PPP1R37: variants seen among roughly 807,000 people sequenced by gnomAD.
PPP1R37 encodes protein phosphatase 1 regulatory subunit 37.
PPP1R37 carries 21 observed loss-of-function variants against 61.0 expected under a neutral mutation model. The ratio of observed to expected loss-of-function variants is 0.34; its 90% confidence interval spans 0.24 to 0.50. The LOEUF is 0.50. PPP1R37 is among the 20% of genes least tolerant of loss of function. The pLI is 0.98. For synonymous variants in PPP1R37, 443 were observed against 433.5 expected, an observed-to-expected ratio of 1.02 and a Z score of -0.27; for missense variants, 910 against 952.7, an observed-to-expected ratio of 0.96 and a Z score of 0.59.
At chr19:45,109,504 A>G (rs989949651) in intron 1 of PPP1R37, among the ~76,000 whole-genome samples, 1 of 152,192 alleles carries the variant, frequency 6.6e-6, no homozygotes, top group African/African-American at 2.4e-5. Context: ...CTCCAGCCCC[A>G]TTTGCTGAGC....
intron 1 of PPP1R37, among the ~76,000 whole-genome samples, chr19:45,113,295 T>C (rs531675167): frequency 6.6e-6 from 1 of 152,348 alleles, no homozygotes; most frequent in East Asian, 1.9e-4. Context: ...TGGGGGCCAC[T>C]GTGGGCCTGT....
intron 1 of PPP1R37, among the ~76,000 whole-genome samples, chr19:45,119,098 C>T (rs1027466236): frequency 1.3e-5 from 2 of 152,074 alleles, no homozygotes; most frequent in African/African-American, 4.8e-5. Flanking sequence ...AAGCGATTCT[C>T]CTGCCCCAGC....
At position 45,144,877 on chromosome 19, in the gene PPP1R37, G is replaced by A; in HGVS notation, c.1011G>A (p.Thr337=). The change falls in exon 9 of 13, where the codon ACG becomes ACA. Residue 337 remains threonine (T), a synonymous_variant. Transcript: ENST00000221462. ...AGCCGCACACTCAGAGCCTGGAGAC[G>A]CTGAACCTGGGCCACAACCCCATCG... is the stretch of plus-strand genomic sequence containing the variant. ...MTLPHTQSLE[T]LNLGHNPIGN... 6.5e-7 allele frequency: 1 copy of A among 1,534,988 alleles called. No individual in the cohort carries two copies.
At chr19:45,127,031 T>C (rs932279359) in intron 1 of PPP1R37, among the ~76,000 whole-genome samples, 1 of 152,164 alleles carries the variant, frequency 6.6e-6, no homozygotes, top group Non-Finnish European at 1.5e-5. Context: ...TTCATGGTCA[T>C]GTGAACATCC....
rs77799499 is a variant in PPP1R37 at position 45,137,499 on chromosome 19, G to A, written c.203-1015G>A. Among the ~76,000 whole-genome samples the A allele has an allele frequency of 2.2e-3, 328 of 152,350 alleles. 2 individuals carry two copies. Among genetic ancestry groups the A allele is most frequent in the African/African-American group, 7.5e-3 (312 of 41,582 alleles). ...TGGCCCTCCAGGGACCGGGGCTGCA[G>A]CTGTTGGGTTTGGGCTACGTCCCTT... On this transcript the variant is annotated intron_variant, in intron 1 of 12. Transcript: ENST00000221462.
intron 1 of PPP1R37, among the ~76,000 whole-genome samples, chr19:45,110,215 A>G (rs1330996959): frequency 6.7e-6 from 1 of 149,714 alleles, no homozygotes; most frequent in Non-Finnish European, 1.5e-5. Context: ...TCCTGGGCCC[A>G]GGTGATCCTC....
chr19:45,146,258 G>T, intron 11 of PPP1R37, 132 bp from the exon 12 acceptor site: 1 of 914,488 alleles, frequency 1.1e-6, no homozygotes, highest in Non-Finnish European at 1.6e-6. Context: ...AAGGTGTGCT[G>T]CCTTGAGCCT....
At position 45,117,118 on chromosome 19, in the gene PPP1R37, G is replaced by C. The variant is rs1226691189; in HGVS notation, c.203-21396G>C. On this transcript the variant is annotated intron_variant, in intron 1 of 12. Transcript: ENST00000221462. ...AGTAGAGATGGGGTTTCACCATATTGGTCAGGCTGGTCTCGAACTCCTGAC... is the reference window on the plus strand; with the variant it reads ...AGTAGAGATGGGGTTTCACCATATTCGTCAGGCTGGTCTCGAACTCCTGAC... Among the ~76,000 whole-genome samples the C allele has an allele frequency of 2.6e-5, 4 of 152,018 alleles. No homozygotes were observed. The East Asian group carries it at 7.7e-4, about 29-fold the overall frequency.
chr19:45,104,376 T>C (rs948144550), intron 1 of PPP1R37, among the ~76,000 whole-genome samples: 3 of 152,194 alleles, frequency 2.0e-5, no homozygotes, highest in Non-Finnish European at 2.9e-5. Context: ...GGGTTGCTTA[T>C]GAGCACCCAG....
At chr19:45,142,833 T>G (rs1599712485) in intron 7 of PPP1R37, 1 of 228,308 alleles carries the variant, frequency 4.4e-6, no homozygotes. Context: ...AAGACCACCG[T>G]GGGGCGGGGC....
At chr19:45,093,767 A>G (rs1967955339) in intron 1 of PPP1R37, among the ~76,000 whole-genome samples, 1 of 152,178 alleles carries the variant, frequency 6.6e-6, no homozygotes, top group African/African-American at 2.4e-5. Context: ...TGATCGTTTT[A>G]GGGTTTAAAA....
chr19:45,144,051 T>G (rs1035187851), intron 8 of PPP1R37: 1 of 156,460 alleles, frequency 6.4e-6, no homozygotes, highest in African/African-American at 2.4e-5. Context: ...GGAGCCTCAA[T>G]CGCCCAGGCT....
chr19:45,093,586 T>C, intron 1 of PPP1R37, 59 bp downstream of exon 1: 2 of 1,384,626 alleles, frequency 1.4e-6, no homozygotes, highest in Non-Finnish European at 2.0e-6. Context: ...TCGGGAGGGA[T>C]CGGTGCAGGG....
intron 1 of PPP1R37, among the ~76,000 whole-genome samples, chr19:45,127,705 G>A (rs1238896587): frequency 3.3e-5 from 5 of 152,104 alleles, no homozygotes; most frequent in Admixed American, 6.6e-5. Flanking sequence ...GGCCGGGCGC[G>A]GTGGCTCACG....
intron 5 of PPP1R37, 137 bp downstream of exon 5, chr19:45,141,578 C>T: frequency 2.5e-6 from 3 of 1,190,512 alleles, no homozygotes; most frequent in Non-Finnish European, 3.4e-6. Flanking sequence ...GGGCCTGGCC[C>T]TCAGGCCAGG....
chr19:45,115,676 T>C (rs1312352004), intron 1 of PPP1R37, among the ~76,000 whole-genome samples: 1 of 152,112 alleles, frequency 6.6e-6, no homozygotes, highest in African/African-American at 2.4e-5. Flanking sequence ...TAAAAATTAT[T>C]TATCGTTAAA....
chr19:45,107,390 C>T lies in PPP1R37; in HGVS notation c.202+13863C>T, dbSNP rs535332325. On this transcript the variant is annotated intron_variant, in intron 1 of 12. Transcript: ENST00000221462. ...GCCAAGGTGGGCAGATCATTTGAGC[C>T]CAGGAGTTCGAGACCAGCCTGGACG... 1.5e-3 allele frequency among the ~76,000 whole-genome samples: 221 copies of T among 152,010 alleles called. 1 individual carries two copies. Among genetic ancestry groups the T allele is most frequent in the Non-Finnish European group, 2.3e-3 (154 of 67,962 alleles).
chr19:45,115,701 G>A (rs2004357), intron 1 of PPP1R37, among the ~76,000 whole-genome samples: 15,029 of 152,196 alleles, frequency 0.099, 840 homozygotes, highest in South Asian at 0.13. Context: ...GCGGCCAGGC[G>A]CAGTGGCTCA....
At position 45,145,855 on chromosome 19, in the gene PPP1R37, C is replaced by T; in HGVS notation, c.1799C>T (p.Ala600Val). ...PSPPPPPSPP[A>V]SPSLPPAGAI... is the part of the protein sequence containing the mutation. Reference sequence around the variant, plus strand: ...CCCCCACCCCCTCCCTCCCCACCCGCCTCACCTTCCCTACCACCAGCCGGG... The same window carrying T: ...CCCCCACCCCCTCCCTCCCCACCCGTCTCACCTTCCCTACCACCAGCCGGG... The change falls in exon 11 of 13, where the codon GCC (alanine) becomes GTC (valine). Residue 600 changes from alanine to valine, a missense_variant. By Grantham distance (64) the Ala-to-Val change is moderately conservative. This residue lies in a region of PPP1R37 where 549 missense variants were observed against 505.1 expected (regional missense o/e 1.09). Coordinates refer to ENST00000221462, the MANE Select transcript of PPP1R37 (RefSeq NM_019121.2). The T allele has an allele frequency of 6.6e-7, 1 of 1,525,166 alleles. No homozygotes were observed. Among genetic ancestry groups the T allele is most frequent in the Non-Finnish European group, 8.8e-7 (1 of 1,140,782 alleles). The allele number at this position is 1,525,166 out of a possible 1,614,324, so 94.5% of individuals were successfully genotyped here. A position where few individuals can be genotyped will look rare whatever the true frequency, so the allele number is the denominator to read the frequency against.
Sources: allele counts gnomAD v4.1 joint callset (sites outside exome capture counted in the v4.1 genomes callset), GRCh38; gene constraint gnomAD v4.1.1; regional missense constraint gnomAD v4.1.1; transcripts MANE v1.5; gene names NCBI Gene and HGNC (gene_info 2026-07-23, HGNC 2026-07-21).